Variants in FRMPD4 observed in about 807,000 individuals in gnomAD.
FRMPD4 encodes the protein FERM and PDZ domain-containing protein 4.
FRMPD4 carries 22 observed loss-of-function variants against 94.1 expected under a neutral mutation model. The ratio of observed to expected loss-of-function variants is 0.23; its 90% CI spans 0.17 to 0.33. The LOEUF (loss-of-function observed/expected upper bound fraction) is 0.33, where lower values mean the gene tolerates loss of function less well. Among genes scored for constraint, FRMPD4 ranks in the 10% least tolerant of loss-of-function variants. FRMPD4 has a pLI of 1.00. For synonymous variants in FRMPD4, 631 were observed against 548.6 expected (o/e 1.15, Z -2.10); for missense variants, 1,111 against 1,339.9 (o/e 0.83, Z 2.67).
At chrX:12,515,162 C>A (rs1361495213) in intron 2 of FRMPD4, among the ~76,000 whole-genome samples, 1 of 111,658 alleles carries the variant, frequency 9.0e-6, no homozygotes, top group Non-Finnish European at 1.9e-5. Context: ...CTCCTGGATT[C>A]ATTGATTTTT....
At chrX:12,215,574 A>C (rs2056798338) in intron 1 of FRMPD4, among the ~76,000 whole-genome samples, 1 of 111,975 alleles carries the variant, frequency 8.9e-6, no homozygotes, top group African/African-American at 3.2e-5. Flanking sequence ...TTTAATCCTC[A>C]TAGTGACCTA....
intron 2 of FRMPD4, among the ~76,000 whole-genome samples, chrX:12,527,540 C>T (rs1477470229): frequency 9.6e-5 from 10 of 104,335 alleles, no homozygotes; most frequent in Non-Finnish European, 1.6e-4. Flanking sequence ...AGCAAATCAC[C>T]ACACTTTTAG....
intron 15 of FRMPD4, 121 bp from the exon 16 acceptor site, chrX:12,717,380 C>T: frequency 1.9e-6 from 1 of 535,572 alleles, no homozygotes; most frequent in Non-Finnish European, 3.1e-6. Flanking sequence ...AACTCAGAGT[C>T]CTTACTGAAA....
chrX:12,295,595 T>C (rs759921848), intron 1 of FRMPD4, among the ~76,000 whole-genome samples: 7 of 112,031 alleles, frequency 6.2e-5, no homozygotes, highest in Non-Finnish European at 1.3e-4. Context: ...TAGTTTACCA[T>C]TTTACTTGCA....
At position 12,372,750 on chromosome X, in the gene FRMPD4, A is replaced by G. The variant is rs749158466; in HGVS notation, c.42-125930A>G. ...TTTCTAGAAGGATCCTAGGAAGATG[A>G]CATGTCTTTTTCCTTTTTGTCACAT... On this transcript the variant is annotated intron_variant, in intron 1 of 16. Coordinates refer to ENST00000675598, the MANE Select transcript of FRMPD4 (RefSeq NM_001368397.1). Among the ~76,000 whole-genome samples the G allele has an allele frequency of 5.3e-5, 6 of 112,574 alleles. No individual in the cohort carries two copies. In the South Asian group the frequency reaches 2.2e-3, roughly 42 times the overall value.
intron 3 of FRMPD4, among the ~76,000 whole-genome samples, chrX:12,049,150 C>G (rs1212645847): frequency 9.0e-6 from 1 of 111,473 alleles, no homozygotes; most frequent in Non-Finnish European, 1.9e-5. Context: ...TTTGTGTAAT[C>G]TATGATTTCT....
intron 1 of FRMPD4, among the ~76,000 whole-genome samples, chrX:12,450,863 C>CAAAAAAA (rs5901475): frequency 6.1e-5 from 3 of 49,529 alleles, no homozygotes; most frequent in South Asian, 2.4e-3. Context: ...TCTATTTATC[C>CAAAAAAA]AAAAAAAAAA....
At chrX:12,091,873 T>G (rs1167726463) in intron 3 of FRMPD4, among the ~76,000 whole-genome samples, 4 of 111,038 alleles carry the variant, frequency 3.6e-5, no homozygotes, top group Non-Finnish European at 7.6e-5. Context: ...ACCTGTAGAG[T>G]GCCCCCTCTT....
chrX:12,442,573 A>C (rs2057150059), intron 1 of FRMPD4, among the ~76,000 whole-genome samples: 1 of 112,050 alleles, frequency 8.9e-6, no homozygotes, highest in Non-Finnish European at 1.9e-5. Flanking sequence ...AAAGTCAGAA[A>C]ATTACAAATG....
chrX:12,602,676 C>A (rs916842497), intron 2 of FRMPD4, among the ~76,000 whole-genome samples: 2 of 111,917 alleles, frequency 1.8e-5, no homozygotes, highest in Non-Finnish European at 3.8e-5. Flanking sequence ...CATGTCTTAT[C>A]CCTTATTCAG....
At chrX:12,033,099 G>A (rs980669592) in intron 3 of FRMPD4, among the ~76,000 whole-genome samples, 1 of 112,310 alleles carries the variant, frequency 8.9e-6, no homozygotes, top group South Asian at 3.7e-4. Flanking sequence ...TCTCTACAGT[G>A]GTTGTCAGCA....
At chrX:12,261,136 G>A (rs746203736) in intron 1 of FRMPD4, among the ~76,000 whole-genome samples, 3 of 111,790 alleles carry the variant, frequency 2.7e-5, no homozygotes, top group Admixed American at 9.5e-5. Context: ...GCTAAAAGAA[G>A]CTGAGCTTCT....
chrX:12,612,555 T>G (rs939216817), intron 3 of FRMPD4, among the ~76,000 whole-genome samples: 24 of 112,241 alleles, frequency 2.1e-4, no homozygotes, highest in African/African-American at 7.8e-4. Context: ...GTGCCACTGT[T>G]TTGTATTTTG....
At chrX:11,967,768 T>G (rs1172496899) in intron 3 of FRMPD4, among the ~76,000 whole-genome samples, 1 of 103,637 alleles carries the variant, frequency 9.6e-6, no homozygotes, top group Non-Finnish European at 2.0e-5. Flanking sequence ...TTTTTTTTTT[T>G]TTTTTTTTTT....
chrX:12,696,400 A>G (rs1255619623), intron 9 of FRMPD4, among the ~76,000 whole-genome samples: 3 of 110,734 alleles, frequency 2.7e-5, no homozygotes, highest in Middle Eastern at 9.1e-3. Context: ...ATATTTTACT[A>G]TAACTGCTTC....
intron 1 of FRMPD4, among the ~76,000 whole-genome samples, chrX:12,386,695 G>A (rs1287460078): frequency 8.9e-6 from 1 of 112,036 alleles, no homozygotes; most frequent in Non-Finnish European, 1.9e-5. Flanking sequence ...CTACAAAGGG[G>A]CTGGCAGTGG....
At chrX:12,422,522 G>T (rs1196780168) in intron 1 of FRMPD4, among the ~76,000 whole-genome samples, 2 of 111,798 alleles carry the variant, frequency 1.8e-5, no homozygotes, top group Non-Finnish European at 3.8e-5. Context: ...GCTGTTTGAA[G>T]AATTCAATGA....
At chrX:12,553,462 ATATATC>A (rs1334920978) in intron 2 of FRMPD4, among the ~76,000 whole-genome samples, 8 of 68,001 alleles carry the variant, frequency 1.2e-4, no homozygotes, top group Admixed American at 3.1e-4. Flanking sequence ...ATATATATAT[ATATATC>A]TAATCCACTA....
At chrX:12,585,157 A>G (rs2058914525) in intron 2 of FRMPD4, among the ~76,000 whole-genome samples, 2 of 109,466 alleles carry the variant, frequency 1.8e-5, no homozygotes, top group African/African-American at 6.7e-5. Flanking sequence ...ACCTCAAGTG[A>G]TCTGCGCACT....
Sources: gnomAD v4.1 joint callset for allele counts (sites outside exome capture counted in the v4.1 genomes callset) on GRCh38, gnomAD v4.1.1 for gene constraint, MANE v1.5 for transcripts, NCBI Gene and HGNC (gene_info 2026-07-23, HGNC 2026-07-21) for gene names.